Variants in SLC17A4 observed in about 807,000 individuals in gnomAD.
The protein encoded by SLC17A4 is probable small intestine urate exporter.
SLC17A4 carries 33 observed loss-of-function variants against 52.5 expected under a neutral mutation model. The ratio of observed to expected loss-of-function variants is 0.63; its 90% CI spans 0.48 to 0.84. The LOEUF (loss-of-function observed/expected upper bound fraction) is 0.84, where lower values mean the gene tolerates loss of function less well. SLC17A4 is among the 40% of genes least tolerant of loss of function. The probability of loss-of-function intolerance (pLI) is 0.00; values close to 1 mark genes in which losing one functional copy is unlikely to be tolerated. For synonymous variants in SLC17A4, 225 were observed against 216.2 expected, an observed-to-expected ratio of 1.04 and a Z score of -0.36; for missense variants, 585 against 597.1, an observed-to-expected ratio of 0.98 and a Z score of 0.21.
intron 2 of SLC17A4, among the ~76,000 whole-genome samples, chr6:25,767,671 G>C (rs931842589): frequency 1.4e-4 from 22 of 152,200 alleles, no homozygotes; most frequent in Admixed American, 1.4e-3. Flanking sequence ...AGCATACCTA[G>C]TGGTGTAATG....
At position 25,779,150 on chromosome 6, in the gene SLC17A4, C is replaced by T; in HGVS notation, c.1456C>T (p.Gln486Ter). 1.2e-6 allele frequency: 2 copies of T among 1,613,870 alleles called. No individual in the cohort carries two copies. The highest frequency in any genetic ancestry group is 2.2e-5 in the South Asian group (2 of 91,072). Residue 486 changes from glutamine (Q) to a stop codon, truncating the protein, a stop_gained, in exon 12 of 12, where the codon CAG becomes TAG. Transcript: ENST00000377905. LOFTEE classifies it high-confidence loss of function. ...CCTCATCTTTGGCCGAGCAGATGTG[C>T]AGGACTGGGCTAAAGAGCAGACATT... ...FYLIFGRADV[Q>*]DWAKEQTFTH...
At position 25,754,758 on chromosome 6, in the gene SLC17A4, G is replaced by GGAGGA. The variant is rs1486768130; in HGVS notation, c.-60_-59insGAGGA. 1.3e-5 allele frequency: 2 copies of GGAGGA among 152,064 alleles called. No homozygotes were observed. The highest frequency in any genetic ancestry group is 4.8e-5 in the African/African-American group (2 of 41,384). 9.4% of individuals were successfully genotyped at this position (152,064 alleles called of 1,614,324 possible). Reference sequence around the variant, plus strand: ...AGAATATTTATTTGAAAGGAATGAGGATCCTGCACTCTTCCTCCCTCAGGT... The same window carrying GGAGGA: ...AGAATATTTATTTGAAAGGAATGAGGGAGGAATCCTGCACTCTTCCTCCCTCAGGT... On this transcript the variant is annotated 5_prime_UTR_variant, in exon 1 of 12. It removes the in-frame stop codon of an upstream open reading frame in the 5' UTR. Coordinates refer to ENST00000377905, the MANE Select transcript of SLC17A4 (RefSeq NM_005495.3).
In SLC17A4 at chr6:25,779,634, A is replaced by AACAATAATGATTCCATCATGAT. The variant is rs1434114400; in HGVS notation, c.*448_*469dup. ...TGGTGAAAAATGTCAAGGAGGAAAGAACAATAATGATTCCATCATGATAAG... is the reference window on the plus strand; with the variant it reads ...TGGTGAAAAATGTCAAGGAGGAAAGAACAATAATGATTCCATCATGATACAATAATGATTCCATCATGATAAG... On this transcript the variant is annotated 3_prime_UTR_variant, in exon 12 of 12. Transcript: ENST00000377905. The AACAATAATGATTCCATCATGAT allele has an allele frequency of 6.4e-6, 1 of 157,188 alleles. No individual in the cohort carries two copies. The highest frequency in any genetic ancestry group is 1.9e-4 in the East Asian group (1 of 5,322). The allele number at this position is 157,188 out of a possible 1,614,324, so 9.7% of individuals were successfully genotyped here. A position where few individuals can be genotyped will look rare whatever the true frequency, so the allele number is the denominator to read the frequency against.
In SLC17A4 at chr6:25,777,911, A is replaced by AT. The variant is rs1554127078; in HGVS notation, c.1269-14dup. ...GTATACTTGGTTATAATAGAGTACCATCTCTCTCTCTCAGGTACACTGGCT... is the reference window on the plus strand; with the variant it reads ...GTATACTTGGTTATAATAGAGTACCATTCTCTCTCTCTCAGGTACACTGGCT... On this transcript the variant is annotated splice_polypyrimidine_tract_variant and intron_variant, in intron 10 of 11. Transcript: ENST00000377905. 1 of 1,584,606 alleles carries AT rather than the reference A, an allele frequency of 6.3e-7. No homozygotes were observed. The highest frequency in any genetic ancestry group is 1.7e-5 in the Admixed American group (1 of 59,860).
intron 6 of SLC17A4, 115 bp downstream of exon 6, chr6:25,771,127 T>A: frequency 1.2e-6 from 1 of 831,186 alleles, no homozygotes; most frequent in Non-Finnish European, 2.0e-6. Flanking sequence ...AAGCTGGTAG[T>A]GTTCAGAGCC....
intron 10 of SLC17A4, chr6:25,777,560 G>A (rs1311353661): frequency 8.1e-6 from 1 of 122,736 alleles, no homozygotes; most frequent in Non-Finnish European, 1.6e-5. Flanking sequence ...AACAGCAGAA[G>A]CCAAAACAAC....
chr6:25,758,180 T>C (rs1761186840), intron 1 of SLC17A4, among the ~76,000 whole-genome samples: 1 of 152,184 alleles, frequency 6.6e-6, no homozygotes, highest in South Asian at 2.1e-4. Context: ...CACACACACA[T>C]AGGGGACATA....
rs1404321809 is a variant in SLC17A4 at position 25,779,322 on chromosome 6, A to T, written c.*134A>T. 13 of 1,262,290 alleles carry T rather than the reference A, an allele frequency of 1.0e-5. No individual in the cohort carries two copies. Among genetic ancestry groups the T allele is most frequent in the Non-Finnish European group, 1.4e-5 (13 of 923,244 alleles). 78.2% of individuals were successfully genotyped at this position (1,262,290 alleles called of 1,614,324 possible). A position where few individuals can be genotyped will look rare whatever the true frequency, so the allele number is the denominator to read the frequency against. On this transcript the variant is annotated 3_prime_UTR_variant, in exon 12 of 12. Transcript: ENST00000377905. ...ACTATGTAACGCTAAAGATTTTACC[A>T]TGCCTGGAAATTTTACAGGGGAAGA...
intron 3 of SLC17A4, among the ~76,000 whole-genome samples, chr6:25,769,770 T>C (rs1207840958): frequency 1.3e-5 from 2 of 152,088 alleles, no homozygotes; most frequent in African/African-American, 4.8e-5. Context: ...CTGCTTTTTC[T>C]TCCTTCCACG....
intron 1 of SLC17A4, among the ~76,000 whole-genome samples, chr6:25,755,985 A>C (rs1288325529): frequency 6.6e-6 from 1 of 152,160 alleles, no homozygotes; most frequent in East Asian, 1.9e-4. Flanking sequence ...CAGGTCCTGA[A>C]TGTGGTCTTT....
In SLC17A4 at chr6:25,776,384, A is replaced by C. The variant is rs374146029; in HGVS notation, c.988-211A>C. Among the ~76,000 whole-genome samples the C allele has an allele frequency of 3.3e-5, 5 of 152,066 alleles. 1 individual carries two copies. In the East Asian group the frequency reaches 7.7e-4, roughly 24 times the overall value. On this transcript the variant is annotated intron_variant, in intron 8 of 11. Transcript: ENST00000377905. ...TTATTTCCAGGTGATTTTTATATAT[A>C]AAGAGAGCCTTGTTCTTTTTTTTTT...
At chr6:25,777,240 A>G in intron 10 of SLC17A4, 1 of 375,984 alleles carries the variant, frequency 2.7e-6, no homozygotes, top group Non-Finnish European at 4.8e-6. Flanking sequence ...GGAATGCAGC[A>G]CTTGCCTAAG....
intron 3 of SLC17A4, 79 bp downstream of exon 3, chr6:25,769,269 T>G: frequency 7.7e-7 from 1 of 1,304,676 alleles, no homozygotes; most frequent in African/African-American, 1.5e-5. Context: ...TGAGATTCAT[T>G]TAACCACTAA....
In SLC17A4 at chr6:25,776,865, C is replaced by G. The variant is rs1192495114; in HGVS notation, c.1174C>G (p.His392Asp). Residue 392 changes from histidine (H) to aspartate (D), a missense_variant, in exon 10 of 12, where the codon CAC (histidine) becomes GAC (aspartate). His to Asp is a moderately conservative substitution (Grantham distance 81). Coordinates refer to ENST00000377905, the MANE Select transcript of SLC17A4 (RefSeq NM_005495.3). ...LVSLPWVRSS[H>D]SMTMTFLVLS... ...GTCCCTGCCCTGGGTCAGATCCAGCCACAGCATGACCATGACCTTCTTGGT... is the reference window on the plus strand; with the variant it reads ...GTCCCTGCCCTGGGTCAGATCCAGCGACAGCATGACCATGACCTTCTTGGT... The G allele has an allele frequency of 1.3e-5, 21 of 1,613,836 alleles. No individual in the cohort carries two copies. The highest frequency in any genetic ancestry group is 1.8e-5 in the Non-Finnish European group (21 of 1,179,900).
chr6:25,779,489 A>T lies in SLC17A4; in HGVS notation c.*301A>T, dbSNP rs1763198724. 1 of 261,224 alleles carries T rather than the reference A, an allele frequency of 3.8e-6. No individual in the cohort carries two copies. Among genetic ancestry groups the T allele is most frequent in the East Asian group, 8.4e-5 (1 of 11,942 alleles). The allele number at this position is 261,224 out of a possible 1,614,324, so 16.2% of individuals were successfully genotyped here. A position where few individuals can be genotyped will look rare whatever the true frequency, so the allele number is the denominator to read the frequency against. ...TTTCCAAAGCAAAAGAGGAAGCCAG[A>T]CCTTGGGACCGAGAACTGAGAATCA... On this transcript the variant is annotated 3_prime_UTR_variant, in exon 12 of 12. Coordinates refer to ENST00000377905, the MANE Select transcript of SLC17A4 (RefSeq NM_005495.3).
intron 2 of SLC17A4, among the ~76,000 whole-genome samples, chr6:25,765,656 A>T (rs1761947165): frequency 6.6e-6 from 1 of 152,238 alleles, no homozygotes; most frequent in South Asian, 2.1e-4. Context: ...GAGGAAAAAA[A>T]TGTCACTGCA....
intron 2 of SLC17A4, among the ~76,000 whole-genome samples, chr6:25,765,388 C>A (rs1397713092): frequency 6.6e-6 from 1 of 152,174 alleles, no homozygotes; most frequent in African/African-American, 2.4e-5. Context: ...CCTGCTCAGG[C>A]ACAGAGGGAT....
chr6:25,757,188 A>G (rs191981891), intron 1 of SLC17A4, among the ~76,000 whole-genome samples: 117 of 152,318 alleles, frequency 7.7e-4, no homozygotes, highest in Middle Eastern at 3.4e-3. Flanking sequence ...TCAGTTGCTT[A>G]CTTACCAGCT....
Position 25,770,379 on chromosome 6 carries a change from C to G in SLC17A4, c.532-5C>G. 1 of 1,614,002 alleles carries G rather than the reference C, an allele frequency of 6.2e-7. No homozygotes were observed. Among genetic ancestry groups the G allele is most frequent in the Admixed American group, 1.7e-5 (1 of 59,998 alleles). ...GATCTCCAAGAATGGAATTTTTCCC[C>G]CCAGGTTATGGTATTAACTGGTCAG... On this transcript the variant is annotated splice_polypyrimidine_tract_variant and splice_region_variant and intron_variant, in intron 4 of 11. Coordinates refer to ENST00000377905, the MANE Select transcript of SLC17A4 (RefSeq NM_005495.3).
Sources: allele counts gnomAD v4.1 joint callset (sites outside exome capture counted in the v4.1 genomes callset), GRCh38; gene constraint gnomAD v4.1.1; transcripts MANE v1.5; gene names NCBI Gene and HGNC (gene_info 2026-07-23, HGNC 2026-07-21).